LRRC17: variants seen among roughly 807,000 people sequenced by gnomAD.
The protein encoded by LRRC17 is leucine rich repeat containing 17.
In LRRC17, 33 loss-of-function variants were observed where a neutral mutation model predicts 41.5. The observed-to-expected ratio is 0.80, with a 90% CI of 0.60 to 1.06. The LOEUF (loss-of-function observed/expected upper bound fraction) is 1.06, where lower values mean the gene tolerates loss of function less well. Ranked by LOEUF, LRRC17 falls within the 50% of genes least tolerant of loss-of-function variation. The pLI is 0.00. For synonymous variants in LRRC17, 192 were observed against 197.0 expected (o/e 0.97, Z 0.21); for missense variants, 491 against 519.3 (o/e 0.95, Z 0.53).
chr7:102,937,509 A>AAAAG (rs1342848318), intron 2 of LRRC17, among the ~76,000 whole-genome samples: 1 of 151,312 alleles, frequency 6.6e-6, no homozygotes, highest in East Asian at 1.9e-4. Flanking sequence ...TCTGTCTCAA[A>AAAAG]AAAAAAAAAA....
In LRRC17 at chr7:102,934,558, A is replaced by T; in HGVS notation, c.645A>T (p.Glu215Asp). 1 of 1,613,460 alleles carries T rather than the reference A, an allele frequency of 6.2e-7. No individual in the cohort carries two copies. Among genetic ancestry groups the T allele is most frequent in the Non-Finnish European group, 8.5e-7 (1 of 1,179,466 alleles). ...AATCTGAACAGTTGTGTAATGAAGA[A>T]GAAAAGGAACAATTGGACCCGAAAC... ...QIKSEQLCNE[E>D]EKEQLDPKPQ... is the part of the protein sequence containing the mutation. The change falls in exon 2 of 4, where the codon GAA becomes GAT. Residue 215 changes from glutamate (E) to aspartate (D), a missense_variant. Glu to Asp is a conservative substitution (Grantham distance 45). Transcript: ENST00000339431.
chr7:102,913,825 T>C (rs1333673484), intron 1 of LRRC17, among the ~76,000 whole-genome samples: 3 of 152,220 alleles, frequency 2.0e-5, no homozygotes, highest in African/African-American at 7.2e-5. Context: ...ATGCAGAGTT[T>C]AAGCATGGAT....
intron 1 of LRRC17, among the ~76,000 whole-genome samples, chr7:102,923,965 C>T (rs864709): frequency 0.028 from 4,300 of 151,996 alleles, 217 homozygotes; most frequent in African/African-American, 0.098. Context: ...CTAGGCTGGG[C>T]GCAGTGGCTC....
At chr7:102,916,007 G>C (rs973196484) in intron 1 of LRRC17, among the ~76,000 whole-genome samples, 5 of 149,806 alleles carry the variant, frequency 3.3e-5, no homozygotes, top group African/African-American at 4.9e-5. Flanking sequence ...TGTTTGAGAC[G>C]GAGTCTCACT....
Position 102,934,359 on chromosome 7 carries a change from T to C in LRRC17, c.446T>C (p.Phe149Ser), listed in dbSNP as rs776301739. ...NQIKVLTEEV[F>S]IYTPLLSYLR... The stretch of plus-strand genomic sequence containing the variant: ...ATCAAAGTCTTGACGGAGGAAGTGT[T>C]CATTTACACACCTCTCTTGAGCTAC... The change falls in exon 2 of 4, where the codon TTC becomes TCC. Residue 149 changes from phenylalanine (F) to serine (S), a missense_variant. By Grantham distance (155) the Phe-to-Ser change is radical (BLOSUM62 -2). Coordinates refer to ENST00000339431, the MANE Select transcript of LRRC17 (RefSeq NM_001031692.3). 1 of 1,614,162 alleles carries C rather than the reference T, an allele frequency of 6.2e-7. No homozygotes were observed. Among genetic ancestry groups the C allele is most frequent in the South Asian group, 1.1e-5 (1 of 91,076 alleles).
intron 1 of LRRC17, among the ~76,000 whole-genome samples, chr7:102,927,820 A>G (rs1818416895): frequency 6.6e-6 from 1 of 152,248 alleles, no homozygotes; most frequent in Admixed American, 6.5e-5. Flanking sequence ...AATTTTTCCA[A>G]AAAGAATCTA....
intron 1 of LRRC17, among the ~76,000 whole-genome samples, chr7:102,926,990 G>A (rs1247500725): frequency 1.3e-5 from 2 of 152,164 alleles, no homozygotes; most frequent in Non-Finnish European, 1.5e-5. Context: ...AATGCTGGGA[G>A]TAGGGTGGGG....
At chr7:102,943,420 AG>A (rs1487368176) in intron 3 of LRRC17, among the ~76,000 whole-genome samples, 1 of 152,194 alleles carries the variant, frequency 6.6e-6, no homozygotes, top group East Asian at 1.9e-4. Flanking sequence ...TCAAGGGAAA[AG>A]CTTTGAGTAA....
intron 1 of LRRC17, among the ~76,000 whole-genome samples, chr7:102,925,494 C>T (rs959261757): frequency 2.6e-5 from 4 of 152,150 alleles, no homozygotes; most frequent in Admixed American, 6.5e-5. Context: ...GCAATATTCA[C>T]GTCCAATGTT....
chr7:102,926,229 G>T, intron 1 of LRRC17: 1 of 1,540,784 alleles, frequency 6.5e-7, no homozygotes, highest in Non-Finnish European at 8.9e-7. Context: ...AGAGACTTTG[G>T]GAGCATAATT....
intron 2 of LRRC17, among the ~76,000 whole-genome samples, chr7:102,936,530 G>T (rs1277528082): frequency 6.6e-6 from 1 of 152,176 alleles, no homozygotes; most frequent in Non-Finnish European, 1.5e-5. Context: ...ATATTGTTAT[G>T]GTGAGTCCTT....
intron 2 of LRRC17, chr7:102,936,456 T>C (rs953829762): frequency 7.2e-5 from 11 of 152,188 alleles, no homozygotes; most frequent in Non-Finnish European, 1.2e-4. Context: ...ATGCAACCAT[T>C]AGAGAATTTC....
Position 102,913,212 on chromosome 7 carries a change from G to A in LRRC17, c.-141+67G>A, listed in dbSNP as rs74375893. On this transcript the variant is annotated intron_variant, in intron 1 of 3. Coordinates refer to ENST00000339431, the MANE Select transcript of LRRC17 (RefSeq NM_001031692.3). The stretch of plus-strand genomic sequence containing the variant: ...AACTAAGATTCTGTAAGTTGTGGAA[G>A]TGCCTGAAAAGACAAAAGAGAGGAA... 1.3e-3 allele frequency: 2,137 copies of A among 1,614,126 alleles called. 25 individuals carry two copies. In the African/African-American group the frequency reaches 0.025, roughly 19 times the overall value.
At chr7:102,937,857 A>T (rs1820630620) in intron 2 of LRRC17, among the ~76,000 whole-genome samples, 1 of 152,196 alleles carries the variant, frequency 6.6e-6, no homozygotes, top group African/African-American at 2.4e-5. Flanking sequence ...CAAGTATACC[A>T]CATATACATG....
intron 1 of LRRC17, among the ~76,000 whole-genome samples, chr7:102,930,517 T>C (rs1818966910): frequency 6.6e-6 from 1 of 152,226 alleles, no homozygotes. Flanking sequence ...TGCTCCAATA[T>C]CCCACTGAAA....
intron 3 of LRRC17, among the ~76,000 whole-genome samples, chr7:102,941,130 T>C (rs960621436): frequency 6.6e-6 from 1 of 152,236 alleles, no homozygotes; most frequent in African/African-American, 2.4e-5. Context: ...GCTACACTTA[T>C]ACCTTAGCTT....
intron 3 of LRRC17, chr7:102,942,221 A>C (rs935322953): frequency 1.6e-6 from 2 of 1,263,462 alleles, no homozygotes; most frequent in Non-Finnish European, 2.2e-6. Context: ...TTGAAACAAA[A>C]AAGTATCTTG....
intron 1 of LRRC17, among the ~76,000 whole-genome samples, chr7:102,928,796 C>G (rs2129472504): frequency 1.3e-5 from 2 of 152,288 alleles, no homozygotes; most frequent in Middle Eastern, 3.4e-3. Flanking sequence ...TAATGACAGG[C>G]AGACATCTGG....
chr7:102,922,205 T>A (rs1015257723), intron 1 of LRRC17, among the ~76,000 whole-genome samples: 22 of 149,608 alleles, frequency 1.5e-4, no homozygotes, highest in African/African-American at 4.4e-4. Context: ...AAAAAAAAAA[T>A]TAAATAAATA....
Sources: gnomAD v4.1 joint callset for allele counts (sites outside exome capture counted in the v4.1 genomes callset) on GRCh38, gnomAD v4.1.1 for gene constraint, MANE v1.5 for transcripts, NCBI Gene and HGNC (gene_info 2026-07-23, HGNC 2026-07-21) for gene names.